Variants in ITPR1 observed in about 807,000 individuals in gnomAD.
ITPR1 encodes the protein inositol 1,4,5-trisphosphate-gated calcium channel ITPR1.
Under a neutral mutation model 318.4 loss-of-function variants are expected in ITPR1, and 96 were observed. The ratio of observed to expected loss-of-function variants is 0.30; its 90% CI spans 0.26 to 0.36. The LOEUF is 0.36. Among genes scored for constraint, ITPR1 ranks in the 10% least tolerant of loss-of-function variants. The probability of loss-of-function intolerance (pLI) is 1.00; values close to 1 mark genes in which losing one functional copy is unlikely to be tolerated. For missense variants in ITPR1, 2,440 were observed against 3,460.2 expected, an observed-to-expected ratio of 0.71 and a Z score of 7.40; for synonymous variants, 1,312 against 1,289.9, an observed-to-expected ratio of 1.02 and a Z score of -0.37.
At chr3:4,536,757 AT>A (rs1462222463) in intron 4 of ITPR1, among the ~76,000 whole-genome samples, 1 of 152,242 alleles carries the variant, frequency 6.6e-6, no homozygotes, top group Non-Finnish European at 1.5e-5. Flanking sequence ...GACAGCATGC[AT>A]TTTAAATTAC....
chr3:4,633,450 A>G (rs2093079347), intron 5 of ITPR1, among the ~76,000 whole-genome samples: 1 of 152,146 alleles, frequency 6.6e-6, no homozygotes, highest in African/African-American at 2.4e-5. Context: ...TTTCTCAACT[A>G]CTATGCAGCA....
chr3:4,540,593 C>A (rs566888565), intron 4 of ITPR1, among the ~76,000 whole-genome samples: 3 of 151,780 alleles, frequency 2.0e-5, no homozygotes, highest in Non-Finnish European at 2.9e-5. Flanking sequence ...TGTGTGTGCA[C>A]GTGTGTGTGT....
chr3:4,845,461 G>C (rs552080860), intron 61 of ITPR1, among the ~76,000 whole-genome samples: 21 of 152,228 alleles, frequency 1.4e-4, no homozygotes, highest in Admixed American at 4.6e-4. Flanking sequence ...TTCTTGTTTG[G>C]GATTTTGAAA....
At chr3:4,507,609 C>G (rs1381022520) in intron 2 of ITPR1, among the ~76,000 whole-genome samples, 2 of 152,142 alleles carry the variant, frequency 1.3e-5, no homozygotes, top group Non-Finnish European at 1.5e-5. Flanking sequence ...TTCTTATGAG[C>G]AAGATTATAC....
intron 4 of ITPR1, among the ~76,000 whole-genome samples, chr3:4,526,773 C>G (rs1311742930): frequency 6.6e-6 from 1 of 152,192 alleles, no homozygotes; most frequent in Non-Finnish European, 1.5e-5. Context: ...GAATGATTAT[C>G]ATTCATTTCA....
chr3:4,588,540 G>A (rs372366920), intron 4 of ITPR1, among the ~76,000 whole-genome samples: 3 of 152,090 alleles, frequency 2.0e-5, no homozygotes, highest in East Asian at 3.9e-4. Flanking sequence ...TCTAAATGCT[G>A]GGCTGGTCCC....
At chr3:4,541,593 A>G (rs1310653837) in intron 4 of ITPR1, among the ~76,000 whole-genome samples, 1 of 151,658 alleles carries the variant, frequency 6.6e-6, no homozygotes, top group African/African-American at 2.4e-5. Flanking sequence ...TTTGTTAGCA[A>G]TTATGGAGAA....
chr3:4,513,584 C>A (rs556235330), intron 2 of ITPR1, among the ~76,000 whole-genome samples: 1 of 152,122 alleles, frequency 6.6e-6, no homozygotes, highest in Admixed American at 6.5e-5. Context: ...TCACTTATCT[C>A]GGCCACTTAA....
chr3:4,544,342 T>C (rs1458060850), intron 4 of ITPR1, among the ~76,000 whole-genome samples: 1 of 152,242 alleles, frequency 6.6e-6, no homozygotes, highest in African/African-American at 2.4e-5. Flanking sequence ...CCAGCTTTTG[T>C]CGACAGTACA....
chr3:4,563,964 C>T (rs557496481), intron 4 of ITPR1, among the ~76,000 whole-genome samples: 38 of 150,140 alleles, frequency 2.5e-4, no homozygotes, highest in Non-Finnish European at 4.0e-4. Flanking sequence ...TTTTTTGAGA[C>T]AGAATCTCAC....
chr3:4,703,605 G>C (rs1042832256), intron 36 of ITPR1, among the ~76,000 whole-genome samples: 1 of 152,164 alleles, frequency 6.6e-6, no homozygotes. Flanking sequence ...GCCTGGAGTG[G>C]CCTCTTAGAT....
At chr3:4,522,000 G>T (rs1243395846) in intron 4 of ITPR1, among the ~76,000 whole-genome samples, 1 of 149,872 alleles carries the variant, frequency 6.7e-6, no homozygotes, top group Admixed American at 6.6e-5. Flanking sequence ...ATTGTAGGAG[G>T]TCTTTGAAAT....
At position 4,674,478 on chromosome 3, in the gene ITPR1, G is replaced by A. The variant is rs183913349; in HGVS notation, c.2598+135G>A. On this transcript the variant is annotated intron_variant, in intron 22 of 61. Transcript: ENST00000649015. ...TGGTTTTGTAATGGAAAGGAATTCA[G>A]CTTGGTTTTGTTCCAGAATAAAATA... 901 of 698,734 alleles carry A rather than the reference G, an allele frequency of 1.3e-3. 2 individuals are homozygous for A. The highest frequency in any genetic ancestry group is 6.9e-3 in the Middle Eastern group (17 of 2,468). 43.3% of individuals were successfully genotyped at this position (698,734 alleles called of 1,614,324 possible).
chr3:4,507,589 G>A (rs549155348), intron 2 of ITPR1, among the ~76,000 whole-genome samples: 1 of 152,172 alleles, frequency 6.6e-6, no homozygotes, highest in African/African-American at 2.4e-5. Context: ...CTTGTCCTAC[G>A]TTCATCTTTT....
At chr3:4,530,419 C>G (rs1374293665) in intron 4 of ITPR1, among the ~76,000 whole-genome samples, 2 of 152,200 alleles carry the variant, frequency 1.3e-5, no homozygotes, top group Admixed American at 1.3e-4. Context: ...GGCCGCTGAT[C>G]TTTTTACACT....
At chr3:4,566,832 C>A (rs1022539424) in intron 4 of ITPR1, among the ~76,000 whole-genome samples, 2 of 152,152 alleles carry the variant, frequency 1.3e-5, no homozygotes, top group African/African-American at 4.8e-5. Context: ...ACCAGTTTTC[C>A]CTCTCTTAAT....
chr3:4,589,021 T>G (rs916318645), intron 4 of ITPR1, among the ~76,000 whole-genome samples: 2 of 152,130 alleles, frequency 1.3e-5, no homozygotes, highest in African/African-American at 4.8e-5. Flanking sequence ...TGACTGCACT[T>G]CATAGCAAGA....
rs5846332 is a variant in ITPR1, at chr3:4,721,172, G to GTATA, written c.5136+3801_5136+3804dup. 2.7e-3 allele frequency among the ~76,000 whole-genome samples: 342 copies of GTATA among 125,026 alleles called. 12 individuals are homozygous for GTATA. Among genetic ancestry groups the GTATA allele is most frequent in the African/African-American group, 0.011 (295 of 27,538 alleles). The allele number at this position is 125,026 out of a possible 152,430, so 82.0% of individuals were successfully genotyped here. A position where few individuals can be genotyped will look rare whatever the true frequency, so the allele number is the denominator to read the frequency against. On this transcript the variant is annotated intron_variant, in intron 40 of 61. Transcript: ENST00000649015. ...TGTGTGTAGATACGTGTGTGTGCGT[G>GTATA]TATATATATATATATATATATATAT...
At chr3:4,659,821 A>G (rs1315421971) in intron 13 of ITPR1, among the ~76,000 whole-genome samples, 1 of 152,224 alleles carries the variant, frequency 6.6e-6, no homozygotes, top group Non-Finnish European at 1.5e-5. Flanking sequence ...ACAATATATT[A>G]ATATAGGTAT....
Sources: allele counts gnomAD v4.1 joint callset (sites outside exome capture counted in the v4.1 genomes callset), GRCh38; gene constraint gnomAD v4.1.1; transcripts MANE v1.5; gene names NCBI Gene and HGNC (gene_info 2026-07-23, HGNC 2026-07-21).